Variants in RAD51C observed in about 807,000 individuals in gnomAD.
RAD51C encodes the protein DNA repair protein RAD51 homolog 3.
In RAD51C, 42 loss-of-function variants were observed where a neutral mutation model predicts 45.0. That is an observed-to-expected ratio of 0.93 (90% CI 0.73 to 1.21). The LOEUF (loss-of-function observed/expected upper bound fraction) is 1.21. RAD51C is among the 50% of genes most tolerant of loss of function. The pLI is 0.00. For missense variants in RAD51C, 474 were observed against 452.2 expected (o/e 1.05, Z -0.44); for synonymous variants, 172 against 159.8 (o/e 1.08, Z -0.58).
At chr17:58,729,591 A>T (rs2049327886) in intron 7 of RAD51C, among the ~76,000 whole-genome samples, 1 of 144,542 alleles carries the variant, frequency 6.9e-6, no homozygotes, top group South Asian at 2.2e-4. Context: ...TTGTTTTTTG[A>T]GATGGAGTCT....
At chr17:58,720,879 C>A in intron 6 of RAD51C, 67 bp downstream of exon 6, 2 of 1,304,460 alleles carry the variant, frequency 1.5e-6, no homozygotes, top group South Asian at 1.2e-5. Flanking sequence ...ATTTGATTCT[C>A]ATTGAGTACT....
chr17:58,732,429 TTTTAA>T (rs1396555367), intron 7 of RAD51C, 50 bp from the exon 8 acceptor site: 2 of 1,479,136 alleles, frequency 1.4e-6, no homozygotes, highest in African/African-American at 1.4e-5. Flanking sequence ...TCATCTGAAC[TTTTAA>T]TTAATTAAGT....
intron 3 of RAD51C, among the ~76,000 whole-genome samples, chr17:58,697,582 A>G (rs2048064538): frequency 6.6e-6 from 1 of 151,640 alleles, no homozygotes; most frequent in Non-Finnish European, 1.5e-5. Flanking sequence ...CACGTCTGAA[A>G]TGTTTGGATT....
chr17:58,696,614 CTT>C (rs1337180097), intron 2 of RAD51C, 77 bp from the exon 3 acceptor site: 1 of 1,565,154 alleles, frequency 6.4e-7, no homozygotes, highest in African/African-American at 1.4e-5. Context: ...TGATACCTAA[CTT>C]GTCATTATCT....
At chr17:58,703,460 A>C in intron 4 of RAD51C, 131 bp downstream of exon 4, 1 of 907,230 alleles carries the variant, frequency 1.1e-6, no homozygotes, top group Non-Finnish European at 1.7e-6. Context: ...TCCTTCCTTG[A>C]CCTACAATTT....
chr17:58,704,853 C>G (rs2048325120), intron 4 of RAD51C, among the ~76,000 whole-genome samples: 1 of 151,944 alleles, frequency 6.6e-6, no homozygotes, highest in Non-Finnish European at 1.5e-5. Context: ...ATATTTTTGC[C>G]AAGATTCTGC....
intron 5 of RAD51C, among the ~76,000 whole-genome samples, chr17:58,714,305 G>A (rs2048657598): frequency 6.6e-6 from 1 of 151,760 alleles, no homozygotes; most frequent in Admixed American, 6.6e-5. Context: ...TTCTTAAAGT[G>A]AAAATATTAA....
At position 58,703,184 on chromosome 17, in the gene RAD51C, T is replaced by C. The variant is rs780022466; in HGVS notation, c.572-12T>C. 1.2e-6 allele frequency: 2 copies of C among 1,610,010 alleles called. No homozygotes were observed. The highest frequency in any genetic ancestry group is 1.7e-6 in the Non-Finnish European group (2 of 1,176,568). ...ACAGGTAAAACTAATTAAGAGTGTT[T>C]TGTTGTTTCAGAACACCGAAAAGCT... On this transcript the variant is annotated splice_polypyrimidine_tract_variant and intron_variant, in intron 3 of 8. Transcript: ENST00000337432.
rs1567786268 is a variant in RAD51C at position 58,695,084 on chromosome 17, T to A, written c.299T>A (p.Ile100Lys). The A allele has an allele frequency of 6.2e-7, 1 of 1,614,124 alleles. No individual in the cohort carries two copies. The highest frequency in any genetic ancestry group is 8.5e-7 in the Non-Finnish European group (1 of 1,180,026). The change falls in exon 2 of 9, where the codon ATA (isoleucine) becomes AAA (lysine). Residue 100 changes from isoleucine (I) to lysine (K), a missense_variant. By Grantham distance (102) the Ile-to-Lys change is moderately radical (BLOSUM62 -3). Transcript: ENST00000337432. The stretch of plus-strand genomic sequence containing the variant: ...GAGCAGGAGCATACCCAGGGCTTCA[T>A]AATCACCTTCTGTTCAGCACTAGAT... The part of the protein sequence containing the change: ...LLEQEHTQGF[I>K]ITFCSALDDI...
chr17:58,711,676 G>T (rs545989988), intron 5 of RAD51C, among the ~76,000 whole-genome samples: 11 of 151,688 alleles, frequency 7.3e-5, no homozygotes, highest in African/African-American at 2.4e-4. Context: ...ATGTTGCCCA[G>T]CTGGTCAGAA....
intron 6 of RAD51C, among the ~76,000 whole-genome samples, chr17:58,723,748 C>G (rs1328117408): frequency 6.6e-6 from 1 of 150,882 alleles, no homozygotes; most frequent in African/African-American, 2.4e-5. Flanking sequence ...TACTTTTCTT[C>G]TGGAGGTCAG....
chr17:58,716,516 G>A (rs2048742736), intron 5 of RAD51C, among the ~76,000 whole-genome samples: 1 of 152,136 alleles, frequency 6.6e-6, no homozygotes, highest in Non-Finnish European at 1.5e-5. Context: ...AGGCTGGAGT[G>A]CAGTGGCGCG....
At chr17:58,707,965 C>T (rs1031227274) in intron 4 of RAD51C, among the ~76,000 whole-genome samples, 3 of 152,132 alleles carry the variant, frequency 2.0e-5, no homozygotes, top group Non-Finnish European at 4.4e-5. Flanking sequence ...ATCAGGATGT[C>T]ATTCTCATGA....
At chr17:58,701,378 G>T (rs1247392532) in intron 3 of RAD51C, among the ~76,000 whole-genome samples, 1 of 151,490 alleles carries the variant, frequency 6.6e-6, no homozygotes, top group African/African-American at 2.4e-5. Context: ...CATGGTGGCG[G>T]GCGCCTGTAG....
intron 7 of RAD51C, 176 bp from the exon 8 acceptor site, chr17:58,732,308 A>G: frequency 1.7e-6 from 1 of 578,350 alleles, no homozygotes; most frequent in Non-Finnish European, 3.0e-6. Flanking sequence ...TGTTATATAC[A>G]TACGGGTAAT....
chr17:58,714,512 G>A (rs1301713885), intron 5 of RAD51C, among the ~76,000 whole-genome samples: 3 of 152,006 alleles, frequency 2.0e-5, no homozygotes, highest in Non-Finnish European at 4.4e-5. Flanking sequence ...AGGTTGGAGT[G>A]CCATGGCGCG....
intron 3 of RAD51C, among the ~76,000 whole-genome samples, chr17:58,700,682 T>C (rs901182596): frequency 2.0e-5 from 3 of 151,936 alleles, no homozygotes; most frequent in African/African-American, 7.2e-5. Context: ...CCTCATGATC[T>C]GCCCACCTCA....
At chr17:58,706,434 AAAT>A (rs965890539) in intron 4 of RAD51C, 50 of 332,106 alleles carry the variant, frequency 1.5e-4, no homozygotes, top group Non-Finnish European at 3.0e-4. Flanking sequence ...CATCTCAAAA[AAAT>A]AATAATAATT....
At position 58,696,851 on chromosome 17, in the gene RAD51C, A is replaced by T. The variant is rs587781680; in HGVS notation, c.563A>T (p.Lys188Met). Residue 188 changes from lysine (K) to methionine (M), a missense_variant, in exon 3 of 9, where the codon AAG becomes ATG. Transcript: ENST00000337432. ...CTTCAGCTTATAGCAGAAAAACACAAGGGAGAGGGTAAGTTAGTAAATGAT... is the reference window on the plus strand; with the variant it reads ...CTTCAGCTTATAGCAGAAAAACACATGGGAGAGGGTAAGTTAGTAAATGAT... ...QHLQLIAEKH[K>M]GEEHRKALED... 8 of 1,613,990 alleles carry T rather than the reference A, an allele frequency of 5.0e-6. No homozygotes were observed. In the Admixed American group the frequency reaches 1.3e-4, roughly 27 times the overall value.
Sources: gnomAD v4.1 joint callset for allele counts (sites outside exome capture counted in the v4.1 genomes callset) on GRCh38, gnomAD v4.1.1 for gene constraint, MANE v1.5 for transcripts, NCBI Gene and HGNC (gene_info 2026-07-23, HGNC 2026-07-21) for gene names.